Variants in CTNNA3 observed in about 807,000 individuals in gnomAD.
CTNNA3 encodes catenin alpha-3.
Under a neutral mutation model 95.7 loss-of-function variants are expected in CTNNA3, and 76 were observed. The ratio of observed to expected loss-of-function variants is 0.79; its 90% CI spans 0.66 to 0.96. The LOEUF (loss-of-function observed/expected upper bound fraction) is 0.96, where lower values mean the gene tolerates loss of function less well. Ranked by LOEUF, CTNNA3 falls within the 40% of genes least tolerant of loss-of-function variation. CTNNA3 has a pLI of 0.00. For missense variants in CTNNA3, 1,191 were observed against 1,089.8 expected, an observed-to-expected ratio of 1.09 and a Z score of -1.31; for synonymous variants, 431 against 374.4, an observed-to-expected ratio of 1.15 and a Z score of -1.74.
intron 12 of CTNNA3, among the ~76,000 whole-genome samples, chr10:66,346,232 TATATATATATATATAGAGAGAG>T (rs1289419625): frequency 0.12 from 7,335 of 60,198 alleles, 181 homozygotes; most frequent in Non-Finnish European, 0.15. Context: ...TATATATATA[TATATATATATATATAGAGAGAG>T]AGAGAGAGAG....
rs187027649 is a variant in CTNNA3 at position 67,501,011 on chromosome 10, T to A, written c.579+20831A>T. Among the ~76,000 whole-genome samples the A allele has an allele frequency of 5.9e-5, 9 of 152,358 alleles. No individual in the cohort carries two copies. In the East Asian group the frequency reaches 1.7e-3, roughly 29 times the overall value. ...TGTCAATTTGATCCTGTCATTATGATGCTAGCTGGTTATTTTGCCCATTAG... is the reference window on the plus strand; with the variant it reads ...TGTCAATTTGATCCTGTCATTATGAAGCTAGCTGGTTATTTTGCCCATTAG... On this transcript the variant is annotated intron_variant, in intron 5 of 17. Coordinates refer to ENST00000433211, the MANE Select transcript of CTNNA3 (RefSeq NM_013266.4).
At chr10:66,896,321 C>T (rs1845491305) in intron 7 of CTNNA3, among the ~76,000 whole-genome samples, 1 of 152,144 alleles carries the variant, frequency 6.6e-6, no homozygotes, top group African/African-American at 2.4e-5. Flanking sequence ...CTAATGGACT[C>T]TATAAAACAG....
At chr10:66,634,296 A>T (rs12258674) in intron 9 of CTNNA3, among the ~76,000 whole-genome samples, 21,120 of 152,172 alleles carry the variant, frequency 0.14, 1,599 homozygotes, top group South Asian at 0.23. Flanking sequence ...TTTCCAGAAA[A>T]TACACATATA....
intron 9 of CTNNA3, among the ~76,000 whole-genome samples, chr10:66,754,917 C>A (rs557348186): frequency 6.6e-6 from 1 of 152,212 alleles, no homozygotes; most frequent in Non-Finnish European, 1.5e-5. Flanking sequence ...AACTGTTAAA[C>A]ATAGAGTTAT....
At chr10:67,581,024 T>C (rs1201600001) in intron 3 of CTNNA3, among the ~76,000 whole-genome samples, 2 of 152,176 alleles carry the variant, frequency 1.3e-5, no homozygotes, top group Non-Finnish European at 2.9e-5. Flanking sequence ...TTTGACTTCC[T>C]CTTTTCCTAA....
chr10:66,740,734 T>C (rs1175182265), intron 9 of CTNNA3, among the ~76,000 whole-genome samples: 1 of 152,234 alleles, frequency 6.6e-6, no homozygotes, highest in South Asian at 2.1e-4. Flanking sequence ...ATCACTATGG[T>C]AGTTTCATGA....
chr10:67,721,975 G>T (rs73271950), intron 1 of CTNNA3, among the ~76,000 whole-genome samples: 4,500 of 152,088 alleles, frequency 0.03, 225 homozygotes, highest in African/African-American at 0.1. Flanking sequence ...GCTTGCCTGG[G>T]TATCACCAGC....
intron 9 of CTNNA3, among the ~76,000 whole-genome samples, chr10:66,762,687 A>G (rs1042582208): frequency 7.3e-5 from 11 of 151,326 alleles, no homozygotes; most frequent in African/African-American, 2.7e-4. Context: ...ATTCCCCAGA[A>G]CTTCTTGTTT....
intron 5 of CTNNA3, among the ~76,000 whole-genome samples, chr10:67,333,970 T>C (rs1461610128): frequency 1.3e-5 from 2 of 152,222 alleles, no homozygotes; most frequent in Non-Finnish European, 2.9e-5. Flanking sequence ...GAAATAGCTG[T>C]ACATATGCAA....
At chr10:66,542,437 C>A (rs1841888434) in intron 10 of CTNNA3, among the ~76,000 whole-genome samples, 1 of 152,102 alleles carries the variant, frequency 6.6e-6, no homozygotes, top group African/African-American at 2.4e-5. Context: ...GACGCATCCA[C>A]ACATATGTTT....
intron 7 of CTNNA3, among the ~76,000 whole-genome samples, chr10:67,172,496 A>G (rs1380675654): frequency 6.6e-6 from 1 of 152,138 alleles, no homozygotes; most frequent in Non-Finnish European, 1.5e-5. Flanking sequence ...AAAATCCATC[A>G]TATGTATTCT....
In CTNNA3 at chr10:67,118,287, A is replaced by T. The variant is rs911613733; in HGVS notation, c.1047+62030T>A. On this transcript the variant is annotated intron_variant, in intron 7 of 17. Coordinates refer to ENST00000433211, the MANE Select transcript of CTNNA3 (RefSeq NM_013266.4). Reference sequence around the variant, plus strand: ...GTGGTTTCCCAAACCACATGCTAGGATTATCTGGTGTCTTAGCTGGTGATT... The same window carrying T: ...GTGGTTTCCCAAACCACATGCTAGGTTTATCTGGTGTCTTAGCTGGTGATT... 3.3e-5 allele frequency among the ~76,000 whole-genome samples: 5 copies of T among 151,960 alleles called. No homozygotes were observed. In the East Asian group the frequency reaches 9.7e-4, roughly 29 times the overall value.
At chr10:66,651,653 C>CCTGCCTGCCG (rs569047116) in intron 9 of CTNNA3, among the ~76,000 whole-genome samples, 2 of 151,532 alleles carry the variant, frequency 1.3e-5, no homozygotes, top group East Asian at 2.0e-4. Flanking sequence ...GCGCAGTGCC[C>CCTGCCTGCCG]GCCGGCCGGC....
rs144002002 is a variant in CTNNA3 at position 65,956,747 on chromosome 10, G to A, written c.2400+9865C>T. Reference sequence around the variant, plus strand: ...TCCTAGTTTGATTGCACTGTGGTCTGAGAGACAGTTTGCTATAATTTCTGT... The same window carrying A: ...TCCTAGTTTGATTGCACTGTGGTCTAAGAGACAGTTTGCTATAATTTCTGT... On this transcript the variant is annotated intron_variant, in intron 17 of 17. Coordinates refer to ENST00000433211, the MANE Select transcript of CTNNA3 (RefSeq NM_013266.4). Among the ~76,000 whole-genome samples, 586 of 152,340 alleles carry A rather than the reference G, an allele frequency of 3.8e-3. 3 individuals carry two copies. Among genetic ancestry groups the A allele is most frequent in the African/African-American group, 0.013 (555 of 41,578 alleles).
chr10:66,422,366 T>G (rs990166559), intron 11 of CTNNA3, among the ~76,000 whole-genome samples: 2 of 152,138 alleles, frequency 1.3e-5, no homozygotes, highest in Admixed American at 6.5e-5. Context: ...TCACTTAATA[T>G]TTTTTTCTAT....
chr10:66,841,095 T>C (rs940829080), intron 7 of CTNNA3, among the ~76,000 whole-genome samples: 2 of 149,722 alleles, frequency 1.3e-5, no homozygotes, highest in East Asian at 1.9e-4. Context: ...GTTAGATTGC[T>C]TTTTTTCCTT....
chr10:67,290,630 A>G (rs942076512), intron 5 of CTNNA3, among the ~76,000 whole-genome samples: 3 of 152,170 alleles, frequency 2.0e-5, no homozygotes, highest in African/African-American at 7.2e-5. Context: ...TGAGGCAACA[A>G]GAGGTAAGAA....
At position 65,997,531 on chromosome 10, in the gene CTNNA3, G is replaced by A. The variant is rs576222921; in HGVS notation, c.2160-8734C>T. 8.5e-5 allele frequency among the ~76,000 whole-genome samples: 13 copies of A among 152,152 alleles called. No homozygotes were observed. In the South Asian group the frequency reaches 2.5e-3, roughly 29 times the overall value. ...TCTTGTTTGCCCATTACTAAGTTAT[G>A]TCACTTAAACATCATGATTTAAGCA... On this transcript the variant is annotated intron_variant, in intron 15 of 17. Transcript: ENST00000433211.
intron 7 of CTNNA3, among the ~76,000 whole-genome samples, chr10:67,077,570 C>T (rs1332973515): frequency 6.6e-6 from 1 of 152,088 alleles, no homozygotes; most frequent in Non-Finnish European, 1.5e-5. Context: ...CTACTTGATT[C>T]ATTCATCTCA....
Sources: gnomAD v4.1 joint callset for allele counts (sites outside exome capture counted in the v4.1 genomes callset) on GRCh38, gnomAD v4.1.1 for gene constraint, MANE v1.5 for transcripts, NCBI Gene and HGNC (gene_info 2026-07-23, HGNC 2026-07-21) for gene names.